LRP1B: variants seen among roughly 807,000 people sequenced by gnomAD.
LRP1B encodes the protein low-density lipoprotein receptor-related protein 1B.
In LRP1B, 217 loss-of-function variants were observed where a neutral mutation model predicts 556.6. The observed-to-expected ratio is 0.39, with a 90% CI of 0.35 to 0.44. The LOEUF is 0.44. LRP1B is among the 20% of genes least tolerant of loss of function. The pLI is 1.00. For missense variants in LRP1B, 5,053 were observed against 5,620.8 expected (o/e 0.90, Z 3.23); for synonymous variants, 2,047 against 1,865.8 (o/e 1.10, Z -2.50).
intron 2 of LRP1B, among the ~76,000 whole-genome samples, chr2:141,803,024 T>G (rs1233959033): frequency 6.6e-6 from 1 of 152,012 alleles, no homozygotes; most frequent in African/African-American, 2.4e-5. Flanking sequence ...TTACCTCATT[T>G]CAAAGTTTTC....
intron 11 of LRP1B, among the ~76,000 whole-genome samples, chr2:141,033,096 G>T (rs1239421132): frequency 6.6e-6 from 1 of 151,742 alleles, no homozygotes; most frequent in Admixed American, 6.6e-5. Context: ...TTGAGTCCAG[G>T]GGTAGGCATG....
chr2:141,301,518 A>T (rs1193030947), intron 3 of LRP1B, among the ~76,000 whole-genome samples: 1 of 152,210 alleles, frequency 6.6e-6, no homozygotes, highest in African/African-American at 2.4e-5. Context: ...ATTCCATAGT[A>T]AATAGAGTGT....
chr2:140,426,442 T>C (rs563479955), intron 66 of LRP1B, among the ~76,000 whole-genome samples: 28 of 152,142 alleles, frequency 1.8e-4, no homozygotes, highest in Admixed American at 1.4e-3. Flanking sequence ...GTGACCTGCA[T>C]TTACACATCC....
rs1240324800 is a variant in LRP1B, at chr2:141,463,854, T to C, written c.343+16542A>G. Among the ~76,000 whole-genome samples, 7 of 124,720 alleles carry C rather than the reference T, an allele frequency of 5.6e-5. No individual in the cohort carries two copies. In the East Asian group the frequency reaches 1.9e-3, roughly 35 times the overall value. The allele number at this position is 124,720 out of a possible 152,430, so 81.8% of individuals were successfully genotyped here. A position where few individuals can be genotyped will look rare whatever the true frequency, so the allele number is the denominator to read the frequency against. On this transcript the variant is annotated intron_variant, in intron 3 of 90. Transcript: ENST00000389484. ...TATAATTGGATAATATTACATATAA[T>C]ATATAATTATATATAATATATATCA...
At chr2:141,779,475 A>G (rs2105635290) in intron 2 of LRP1B, among the ~76,000 whole-genome samples, 1 of 150,588 alleles carries the variant, frequency 6.6e-6, no homozygotes, top group East Asian at 2.0e-4. Flanking sequence ...GCTGGCATGA[A>G]GTGGAGCAAT....
chr2:140,328,811 TCATACA>T (rs1192072247), intron 79 of LRP1B, among the ~76,000 whole-genome samples: 2 of 151,510 alleles, frequency 1.3e-5, no homozygotes, highest in East Asian at 1.9e-4. Context: ...CACTTATTTT[TCATACA>T]CATACACACA....
chr2:140,633,654 ACATTGAAAGAATAATAATGAAT>A (rs1683973913), intron 41 of LRP1B, among the ~76,000 whole-genome samples: 1 of 152,170 alleles, frequency 6.6e-6, no homozygotes, highest in Non-Finnish European at 1.5e-5. Flanking sequence ...GTTGCCAAGG[ACATTGAAAGAATAATAATGAAT>A]ATTATGAACA....
At chr2:140,410,724 G>T (rs1252098683) in intron 66 of LRP1B, among the ~76,000 whole-genome samples, 2 of 152,044 alleles carry the variant, frequency 1.3e-5, no homozygotes, top group African/African-American at 4.8e-5. Flanking sequence ...TTCCTTCAAG[G>T]TATAAATGCA....
At chr2:140,800,156 C>G (rs895188638) in intron 32 of LRP1B, among the ~76,000 whole-genome samples, 1 of 152,040 alleles carries the variant, frequency 6.6e-6, no homozygotes, top group Non-Finnish European at 1.5e-5. Flanking sequence ...GGACAAAATA[C>G]CAAACACCGC....
rs2105192422 is a variant in LRP1B, at chr2:140,886,241, C to G, written c.3861G>C (p.Leu1287Phe). 1 of 1,609,260 alleles carries G rather than the reference C, an allele frequency of 6.2e-7. No individual in the cohort carries two copies. Among genetic ancestry groups the G allele is most frequent in the East Asian group, 2.2e-5 (1 of 44,638 alleles). ...GAAAATCAAGTGCTATTGTGTTTCT[C>G]AATCCAGGAACAAGTAGACTATAGT... is the stretch of plus-strand genomic sequence containing the variant. ...KRDYSLLVPG[L>F]RNTIALDFHF... The change falls in exon 24 of 91, where the codon TTG becomes TTC. Residue 1287 changes from leucine (L) to phenylalanine (F), a missense_variant. Physicochemically the swap from Leu to Phe is conservative, Grantham distance 22. Around this residue, in one of 5 missense-constraint regions of LRP1B, gnomAD observed 3,619 missense variants for 3,931.9 expected, o/e 0.92. Transcript: ENST00000389484.
At chr2:140,828,114 C>A (rs2380894) in intron 31 of LRP1B, among the ~76,000 whole-genome samples, 1 of 151,782 alleles carries the variant, frequency 6.6e-6, no homozygotes, top group Non-Finnish European at 1.5e-5. Flanking sequence ...CAAAAAAAAA[C>A]TCTAAAGGGA....
In LRP1B at chr2:140,947,763, A is replaced by G. The variant is rs1573910527; in HGVS notation, c.3136+2472T>C. Among the ~76,000 whole-genome samples the G allele has an allele frequency of 2.6e-5, 4 of 152,346 alleles. No homozygotes were observed. The East Asian group carries it at 7.7e-4, about 29-fold the overall frequency. On this transcript the variant is annotated intron_variant, in intron 20 of 90. Coordinates refer to ENST00000389484, the MANE Select transcript of LRP1B (RefSeq NM_018557.3). ...CTCCACCTTGTATTCACCACGTAGA[A>G]TATTTGATTAGGGAATCCTAGTAAA...
chr2:141,549,325 G>T (rs1350290820), intron 2 of LRP1B, among the ~76,000 whole-genome samples: 1 of 152,130 alleles, frequency 6.6e-6, no homozygotes, highest in Non-Finnish European at 1.5e-5. Flanking sequence ...CTGGCACAAA[G>T]TGAGCCCTCA....
intron 29 of LRP1B, among the ~76,000 whole-genome samples, chr2:140,847,673 A>G (rs1027563156): frequency 5.9e-5 from 9 of 151,912 alleles, no homozygotes; most frequent in Non-Finnish European, 7.4e-5. Flanking sequence ...AGGCTGAGGT[A>G]GGAGAATAGC....
At chr2:141,995,083 AATTT>A (rs1702450538) in intron 1 of LRP1B, among the ~76,000 whole-genome samples, 2 of 152,142 alleles carry the variant, frequency 1.3e-5, no homozygotes, top group African/African-American at 4.8e-5. Flanking sequence ...TGAAAATAAT[AATTT>A]ATATAATAAT....
chr2:140,699,228 G>A (rs1345607495), intron 41 of LRP1B, among the ~76,000 whole-genome samples: 1 of 151,988 alleles, frequency 6.6e-6, no homozygotes, highest in African/African-American at 2.4e-5. Flanking sequence ...TATAGAACTA[G>A]GTAGAGGCTT....
chr2:141,431,866 TTTC>T (rs1238779328), intron 3 of LRP1B, among the ~76,000 whole-genome samples: 10 of 152,190 alleles, frequency 6.6e-5, no homozygotes, highest in African/African-American at 2.4e-4. Context: ...AGTTTGTGGA[TTTC>T]TTAAGATTTA....
intron 6 of LRP1B, among the ~76,000 whole-genome samples, chr2:141,211,788 G>A (rs1399573460): frequency 6.6e-6 from 1 of 152,028 alleles, no homozygotes; most frequent in Admixed American, 6.6e-5. Flanking sequence ...TATCAGGAAG[G>A]GAATTCTGAA....
At chr2:141,037,156 G>A (rs1029261419) in intron 11 of LRP1B, among the ~76,000 whole-genome samples, 2 of 151,842 alleles carry the variant, frequency 1.3e-5, no homozygotes, top group East Asian at 3.9e-4. Context: ...GAAAACTGAG[G>A]GATGAAAAGA....
Sources: allele counts gnomAD v4.1 joint callset (sites outside exome capture counted in the v4.1 genomes callset), GRCh38; gene constraint gnomAD v4.1.1; regional missense constraint gnomAD v4.1.1; transcripts MANE v1.5; gene names NCBI Gene and HGNC (gene_info 2026-07-23, HGNC 2026-07-21).